REPS2: variants seen among roughly 807,000 people sequenced by gnomAD.
The protein encoded by REPS2 is ralBP1-associated Eps domain-containing protein 2.
REPS2 carries 23 observed loss-of-function variants against 53.6 expected under a neutral mutation model. The observed-to-expected ratio is 0.43, with a 90% confidence interval of 0.31 to 0.61. The LOEUF is 0.61. REPS2 is among the 20% of genes least tolerant of loss of function. The probability of loss-of-function intolerance (pLI) is 0.11; values close to 1 mark genes in which losing one functional copy is unlikely to be tolerated. For missense variants in REPS2, 446 were observed against 534.9 expected, an observed-to-expected ratio of 0.83 and a Z score of 1.64; for synonymous variants, 238 against 218.6, an observed-to-expected ratio of 1.09 and a Z score of -0.78.
chrX:17,097,764 G>A (rs1036890067), intron 13 of REPS2, among the ~76,000 whole-genome samples: 26 of 111,078 alleles, frequency 2.3e-4, no homozygotes, highest in African/African-American at 8.2e-4. Flanking sequence ...TAATAAGAGG[G>A]GGGTATGGAC....
intron 1 of REPS2, 82 bp downstream of exon 1, chrX:16,947,216 T>C: frequency 1.1e-6 from 1 of 937,887 alleles, no homozygotes; most frequent in Non-Finnish European, 1.3e-6. Context: ...GCGACAGGGC[T>C]GCCCCCAGGG....
At chrX:17,043,848 G>A (rs1013388293) in intron 5 of REPS2, among the ~76,000 whole-genome samples, 11 of 112,792 alleles carry the variant, frequency 9.8e-5, no homozygotes, top group Non-Finnish European at 1.7e-4. Context: ...GCATGGGAAC[G>A]AGCAGTGCCG....
At chrX:17,008,476 G>A (rs2061389005) in intron 2 of REPS2, among the ~76,000 whole-genome samples, 1 of 111,833 alleles carries the variant, frequency 8.9e-6, no homozygotes, top group Non-Finnish European at 1.9e-5. Flanking sequence ...ACAAATATAA[G>A]GCTTTCTCAG....
chrX:17,062,075 T>TA (rs1602875460), intron 8 of REPS2, among the ~76,000 whole-genome samples: 1 of 112,593 alleles, frequency 8.9e-6, no homozygotes, highest in Admixed American at 9.4e-5. Flanking sequence ...AAGACTTACA[T>TA]ATTGTGATAG....
chrX:17,068,570 C>A (rs1251876160), intron 10 of REPS2, 99 bp downstream of exon 10: 1 of 597,391 alleles, frequency 1.7e-6, no homozygotes, highest in East Asian at 3.7e-5. Context: ...GAGGGTGGTT[C>A]TCAGCATGTA....
Position 17,077,255 on chromosome X carries a change from C to T in REPS2, c.1380-16C>T, listed in dbSNP as rs1158530381. ...CTTTGCTATTTCGCTTCTGACCTTC[C>T]CTTATTTTGCTACAGATCTTACTCT... is the stretch of plus-strand genomic sequence containing the variant. On this transcript the variant is annotated splice_polypyrimidine_tract_variant and intron_variant, in intron 12 of 17. Transcript: ENST00000357277. The T allele has an allele frequency of 3.5e-6, 4 of 1,158,650 alleles. No individual in the cohort carries two copies. The highest frequency in any genetic ancestry group is 3.6e-5 in the African/African-American group (2 of 54,900).
intron 1 of REPS2, among the ~76,000 whole-genome samples, chrX:17,002,826 A>G (rs1017169451): frequency 8.9e-6 from 1 of 111,925 alleles, no homozygotes; most frequent in Non-Finnish European, 1.9e-5. Context: ...GCCTTTCCTT[A>G]TGCCTTGATC....
chrX:17,122,311 A>G (rs1247001150), intron 14 of REPS2, among the ~76,000 whole-genome samples: 1 of 112,020 alleles, frequency 8.9e-6, no homozygotes, highest in Non-Finnish European at 1.9e-5. Context: ...ATTATGCGGT[A>G]TATACTCTGT....
chrX:17,022,921 C>T (rs901277776), intron 3 of REPS2, among the ~76,000 whole-genome samples: 4 of 111,857 alleles, frequency 3.6e-5, no homozygotes, highest in Non-Finnish European at 7.5e-5. Flanking sequence ...AAAATTAGAC[C>T]ACTAATTGCA....
At chrX:17,043,825 C>T (rs1321764938) in intron 5 of REPS2, among the ~76,000 whole-genome samples, 3 of 112,960 alleles carry the variant, frequency 2.7e-5, no homozygotes, top group African/African-American at 9.6e-5. Flanking sequence ...GCCAGGCCCA[C>T]CTTTGCAGCA....
intron 14 of REPS2, among the ~76,000 whole-genome samples, chrX:17,114,929 G>T (rs1314089833): frequency 8.9e-6 from 1 of 112,126 alleles, no homozygotes; most frequent in African/African-American, 3.2e-5. Context: ...GCTCCGGATT[G>T]TACTGTCAAT....
rs765911940 is a variant in REPS2 at position 17,047,494 on chromosome X, G to A, written c.907+12G>A. The A allele has an allele frequency of 2.5e-6, 3 of 1,205,333 alleles. No homozygotes were observed. The highest frequency in any genetic ancestry group is 3.4e-6 in the Non-Finnish European group (3 of 893,376). ...CTCTTTCATTTCAGGTAAGAATGTG[G>A]GCTCCCTAGGCATCACTCTCACCAG... is the stretch of plus-strand genomic sequence containing the variant. On this transcript the variant is annotated intron_variant, in intron 6 of 17. Transcript: ENST00000357277.
chrX:17,158,254 C>T (rs2063629942), downstream of REPS2, among the ~76,000 whole-genome samples: 1 of 111,744 alleles, frequency 8.9e-6, no homozygotes, highest in Non-Finnish European at 1.9e-5. Flanking sequence ...AATATTGTTG[C>T]AAATGATAGG....
intron 14 of REPS2, 23 bp from the exon 15 acceptor site, chrX:17,133,801 C>T (rs371836012): frequency 1.4e-5 from 16 of 1,175,227 alleles, no homozygotes; most frequent in Non-Finnish European, 1.6e-5. Flanking sequence ...CATTTCTGTC[C>T]TCTCTCTGAT....
chrX:17,150,225 G>A lies in REPS2; in HGVS notation c.*2744G>A, dbSNP rs1035690381. 5.4e-5 allele frequency: 6 copies of A among 111,337 alleles called. No homozygotes were observed. Among genetic ancestry groups the A allele is most frequent in the African/African-American group, 1.3e-4 (4 of 30,576 alleles). 9.2% of individuals were successfully genotyped at this position (111,337 alleles called of 1,213,427 possible). On this transcript the variant is annotated 3_prime_UTR_variant, in exon 18 of 18. Transcript: ENST00000357277. ...CTTTAATGTGATTTATAAGATGGCCGAATTACTGAAATCACCATTATACCT... is the reference window on the plus strand; with the variant it reads ...CTTTAATGTGATTTATAAGATGGCCAAATTACTGAAATCACCATTATACCT...
intron 1 of REPS2, among the ~76,000 whole-genome samples, chrX:16,987,069 C>T (rs1352674927): frequency 9.2e-6 from 1 of 108,980 alleles, no homozygotes; most frequent in African/African-American, 3.3e-5. Flanking sequence ...GCCACCACAC[C>T]CAGCTAATTT....
At chrX:17,037,917 C>G (rs989628693) in intron 5 of REPS2, among the ~76,000 whole-genome samples, 1 of 111,925 alleles carries the variant, frequency 8.9e-6, no homozygotes, top group African/African-American at 3.3e-5. Context: ...TCATGCCCCC[C>G]CAGTTGCCTA....
the REPS2 span, among the ~76,000 whole-genome samples, chrX:17,159,484 C>T: frequency 9.0e-6 from 1 of 111,122 alleles, no homozygotes; most frequent in Non-Finnish European, 1.9e-5. Flanking sequence ...GGATGGCACC[C>T]TGGAAGCATA....
intron 17 of REPS2, among the ~76,000 whole-genome samples, chrX:17,145,392 T>C (rs967904711): frequency 8.0e-5 from 9 of 111,973 alleles, no homozygotes; most frequent in Non-Finnish European, 1.5e-4. Flanking sequence ...ATATAACTTC[T>C]TACTCAATGT....
Sources: gnomAD v4.1 joint callset for allele counts (sites outside exome capture counted in the v4.1 genomes callset) on GRCh38, gnomAD v4.1.1 for gene constraint, MANE v1.5 for transcripts, NCBI Gene and HGNC (gene_info 2026-07-23, HGNC 2026-07-21) for gene names.